DSCAML1: variants seen among roughly 807,000 people sequenced by gnomAD.
DSCAML1 encodes the protein cell adhesion molecule DSCAML1.
In DSCAML1, 38 loss-of-function variants were observed where a neutral mutation model predicts 200.5. The observed-to-expected ratio is 0.19, with a 90% CI of 0.15 to 0.25. The LOEUF (loss-of-function observed/expected upper bound fraction) is 0.25, where lower values mean the gene tolerates loss of function less well. DSCAML1 is among the 10% of genes least tolerant of loss of function. The pLI, the probability that DSCAML1 is intolerant of heterozygous loss-of-function variation, is 1.00. For missense variants in DSCAML1, 2,223 were observed against 2,858.8 expected, an observed-to-expected ratio of 0.78 and a Z score of 5.07; for synonymous variants, 1,215 against 1,165.0, an observed-to-expected ratio of 1.04 and a Z score of -0.87.
chr11:117,792,552 A>G (rs1300436951), intron 1 of DSCAML1, among the ~76,000 whole-genome samples: 1 of 150,698 alleles, frequency 6.6e-6, no homozygotes, highest in Non-Finnish European at 1.5e-5. Context: ...CTGGTGCTAT[A>G]TCTTTCATCT....
At chr11:117,451,958 A>T (rs1302641153) in intron 19 of DSCAML1, among the ~76,000 whole-genome samples, 2 of 152,134 alleles carry the variant, frequency 1.3e-5, no homozygotes, top group African/African-American at 4.8e-5. Flanking sequence ...CTAGTCAATC[A>T]TTTGGGGCTA....
chr11:117,652,349 C>G (rs771839120), intron 3 of DSCAML1, among the ~76,000 whole-genome samples: 1 of 152,230 alleles, frequency 6.6e-6, no homozygotes, highest in Non-Finnish European at 1.5e-5. Context: ...GGGAAAGAAC[C>G]AGGAGATGGA....
chr11:117,431,882 G>A (rs1035385993), intron 30 of DSCAML1, among the ~76,000 whole-genome samples, 154 bp from the exon 31 acceptor site: 4 of 152,112 alleles, frequency 2.6e-5, no homozygotes, highest in Non-Finnish European at 5.9e-5. Context: ...TAACCACATC[G>A]CTGTCCCCAG....
chr11:117,432,897 C>T (rs559029550), intron 29 of DSCAML1, among the ~76,000 whole-genome samples: 1 of 152,242 alleles, frequency 6.6e-6, no homozygotes, highest in East Asian at 1.9e-4. Context: ...AGGCATGACC[C>T]ACCAACCCAG....
chr11:117,555,037 C>G (rs1436533690), intron 3 of DSCAML1, among the ~76,000 whole-genome samples: 3 of 152,218 alleles, frequency 2.0e-5, no homozygotes, highest in African/African-American at 7.2e-5. Context: ...TGTGCCTCTG[C>G]TCATGCTGGG....
intron 3 of DSCAML1, among the ~76,000 whole-genome samples, chr11:117,615,467 G>A (rs1477402104): frequency 1.3e-5 from 2 of 152,178 alleles, no homozygotes; most frequent in African/African-American, 2.4e-5. Context: ...AAGATTTCAT[G>A]GAAGCAGACA....
At chr11:117,672,933 A>G (rs2053141308) in intron 3 of DSCAML1, among the ~76,000 whole-genome samples, 3 of 152,224 alleles carry the variant, frequency 2.0e-5, no homozygotes. Context: ...CTGTACTAAT[A>G]CATTTCTGCA....
At chr11:117,675,923 A>G (rs75682720) in intron 3 of DSCAML1, among the ~76,000 whole-genome samples, 2,126 of 152,206 alleles carry the variant, frequency 0.014, 40 homozygotes, top group African/African-American at 0.048. Flanking sequence ...TTCTCTCTCC[A>G]TACTGAGTGG....
rs1006299882 is a variant in DSCAML1, at chr11:117,505,180, A to G, written c.2063-137T>C. The G allele has an allele frequency of 3.6e-5, 48 of 1,342,322 alleles. No homozygotes were observed. In the East Asian group the frequency reaches 1.1e-3, roughly 31 times the overall value. The allele number at this position is 1,342,322 out of a possible 1,614,324, so 83.2% of individuals were successfully genotyped here. A position where few individuals can be genotyped will look rare whatever the true frequency, so the allele number is the denominator to read the frequency against. ...GGAAGCGGGCAGTTTCTGAAACCCA[A>G]GATGCTGAGAACTTTTGTTGAGTAC... On this transcript the variant is annotated intron_variant, in intron 9 of 32. Transcript: ENST00000651296. The surrounding 1 kb of genome is among the most constrained non-coding windows in gnomAD (Gnocchi z 6.7).
chr11:117,665,447 G>A (rs1417338780), intron 3 of DSCAML1, among the ~76,000 whole-genome samples: 10 of 152,312 alleles, frequency 6.6e-5, no homozygotes, highest in South Asian at 2.1e-4. Flanking sequence ...AGCCGAGTGC[G>A]TACTCAGGAA....
intron 21 of DSCAML1, 111 bp downstream of exon 21, chr11:117,443,775 T>C (rs1225966806): frequency 3.0e-5 from 44 of 1,443,180 alleles, no homozygotes; most frequent in Non-Finnish European, 3.8e-5. Flanking sequence ...TCCTCACAGC[T>C]GGGTGGCAGA....
chr11:117,598,634 T>C (rs982144490), intron 3 of DSCAML1, among the ~76,000 whole-genome samples: 1 of 152,144 alleles, frequency 6.6e-6, no homozygotes, highest in Non-Finnish European at 1.5e-5. Context: ...TCCCCAAACA[T>C]AAAGTCCAAA....
chr11:117,786,611 C>T (rs2055357105), intron 1 of DSCAML1, among the ~76,000 whole-genome samples: 1 of 152,146 alleles, frequency 6.6e-6, no homozygotes, highest in Non-Finnish European at 1.5e-5. Context: ...AAGTGTCTGT[C>T]TGCAGTGGGA....
intron 3 of DSCAML1, among the ~76,000 whole-genome samples, chr11:117,640,803 A>T (rs2052390736): frequency 6.6e-6 from 1 of 152,084 alleles, no homozygotes; most frequent in South Asian, 2.1e-4. Flanking sequence ...CTCCATCCTC[A>T]GTTTCCCCTG....
intron 11 of DSCAML1, among the ~76,000 whole-genome samples, chr11:117,484,534 G>A (rs138065496): frequency 2.8e-4 from 42 of 152,270 alleles, no homozygotes; most frequent in African/African-American, 9.9e-4. Flanking sequence ...CAAATAACGA[G>A]GTGCAAGTTA....
chr11:117,515,610 C>CTTTTTTCTTTTTTTTTTTTT (rs2049746645), intron 8 of DSCAML1, among the ~76,000 whole-genome samples: 1 of 65,122 alleles, frequency 1.5e-5, no homozygotes, highest in Non-Finnish European at 2.7e-5. Flanking sequence ...AGGGACGAAG[C>CTTTTTTCTTTTTTTTTTTTT]TTTTTTTTTT....
At position 117,566,568 on chromosome 11, in the gene DSCAML1, GTTTTA is replaced by G. The variant is rs1253964428; in HGVS notation, c.512-34051_512-34047del. Among the ~76,000 whole-genome samples, 3 of 150,184 alleles carry G rather than the reference GTTTTA, an allele frequency of 2.0e-5. No homozygotes were observed. In the East Asian group the frequency reaches 5.8e-4, roughly 29 times the overall value. ...TTTTGCCTTGGTTTTTTTTTTGTTT[GTTTTA>G]TTTATTTATTTATTATTATTATACT... On this transcript the variant is annotated intron_variant, in intron 3 of 32. Transcript: ENST00000651296.
At chr11:117,557,475 C>T (rs372285776) in intron 3 of DSCAML1, among the ~76,000 whole-genome samples, 39 of 152,260 alleles carry the variant, frequency 2.6e-4, no homozygotes, top group Middle Eastern at 3.4e-3. Flanking sequence ...GAAAGCGAGC[C>T]GCAGCTTCCC....
chr11:117,450,786 G>T, intron 19 of DSCAML1, 98 bp from the exon 20 acceptor site: 1 of 1,413,142 alleles, frequency 7.1e-7, no homozygotes, highest in Non-Finnish European at 9.5e-7. Flanking sequence ...CAATCTGGGA[G>T]AGCTTCTTGG....
Sources: allele counts gnomAD v4.1 joint callset (sites outside exome capture counted in the v4.1 genomes callset), GRCh38; gene constraint gnomAD v4.1.1; non-coding constraint Gnocchi (gnomAD v3.1); transcripts MANE v1.5; gene names NCBI Gene and HGNC (gene_info 2026-07-23, HGNC 2026-07-21).